Variants in CDKAL1 observed in about 807,000 individuals in gnomAD.
CDKAL1 encodes the protein CDKAL1 threonylcarbamoyladenosine tRNA methylthiotransferase.
CDKAL1 carries 32 observed loss-of-function variants against 68.2 expected under a neutral mutation model. The observed-to-expected ratio is 0.47, with a 90% CI of 0.35 to 0.63. CDKAL1 has a LOEUF of 0.63. Ranked by LOEUF, CDKAL1 falls within the 30% of genes least tolerant of loss-of-function variation. CDKAL1 has a pLI of 0.00. For missense variants in CDKAL1, 606 were observed against 696.7 expected, an observed-to-expected ratio of 0.87 and a Z score of 1.47; for synonymous variants, 234 against 244.3, an observed-to-expected ratio of 0.96 and a Z score of 0.39.
At chr6:20,939,401 G>A (rs538411027) in intron 9 of CDKAL1, among the ~76,000 whole-genome samples, 1 of 152,158 alleles carries the variant, frequency 6.6e-6, no homozygotes, top group Non-Finnish European at 1.5e-5. Context: ...AAGAACTGGG[G>A]AGTTAGAGAA....
At chr6:20,688,209 A>C (rs1350276718) in intron 5 of CDKAL1, among the ~76,000 whole-genome samples, 1 of 150,290 alleles carries the variant, frequency 6.7e-6, no homozygotes, top group Non-Finnish European at 1.5e-5. Context: ...GCATAGGTAT[A>C]GTTTTTTTGG....
intron 13 of CDKAL1, among the ~76,000 whole-genome samples, chr6:21,140,858 A>G (rs1775865797): frequency 6.6e-6 from 1 of 152,222 alleles, no homozygotes; most frequent in Non-Finnish European, 1.5e-5. Context: ...TTACAGTTCC[A>G]CATGGCTGGG....
At chr6:20,566,670 TA>T in intron 4 of CDKAL1, among the ~76,000 whole-genome samples, 1 of 152,254 alleles carries the variant, frequency 6.6e-6, no homozygotes, top group South Asian at 2.1e-4. Flanking sequence ...GAGAAAATAT[TA>T]CAAGAATGAA....
chr6:20,739,384 A>G (rs1418610183), intron 5 of CDKAL1, 135 bp from the exon 6 acceptor site: 9 of 551,648 alleles, frequency 1.6e-5, no homozygotes, highest in Non-Finnish European at 2.9e-5. Flanking sequence ...GTGTTCTTTA[A>G]CCAGTTGTAA....
intron 11 of CDKAL1, among the ~76,000 whole-genome samples, chr6:21,064,460 G>T (rs1337978014): frequency 6.6e-6 from 1 of 152,184 alleles, no homozygotes; most frequent in Non-Finnish European, 1.5e-5. Context: ...AAACAGTATT[G>T]ATTTTTGATA....
At chr6:20,656,100 T>A (rs1253443122) in intron 5 of CDKAL1, among the ~76,000 whole-genome samples, 1 of 132,548 alleles carries the variant, frequency 7.5e-6, no homozygotes, top group African/African-American at 4.3e-5. Flanking sequence ...TCTCTAAGGC[T>A]GCTGTTCAGT....
chr6:20,929,326 T>C lies in CDKAL1; in HGVS notation c.743-26093T>C, dbSNP rs115366145. 5.0e-3 allele frequency among the ~76,000 whole-genome samples: 764 copies of C among 152,258 alleles called. 3 individuals carry two copies. Among genetic ancestry groups the C allele is most frequent in the African/African-American group, 0.017 (722 of 41,528 alleles). On this transcript the variant is annotated intron_variant, in intron 9 of 15. Transcript: ENST00000274695. Reference sequence around the variant, plus strand: ...AAGGGACACATATTCTTCCTGGTAATAAAGATTAACCTTGGGGGCAAGGAT... The same window carrying C: ...AAGGGACACATATTCTTCCTGGTAACAAAGATTAACCTTGGGGGCAAGGAT...
Position 21,004,451 on chromosome 6 carries a change from A to G in CDKAL1, c.1055+4079A>G, listed in dbSNP as rs114185613. On this transcript the variant is annotated intron_variant, in intron 11 of 15. Coordinates refer to ENST00000274695, the MANE Select transcript of CDKAL1 (RefSeq NM_017774.3). ...GCAACCTTTGCAAAGAAGAGCGTCT[A>G]AATGACTTAATATACTAATTTAAAA... Among the ~76,000 whole-genome samples the G allele has an allele frequency of 1.7e-3, 254 of 152,304 alleles. 1 individual carries two copies. Among genetic ancestry groups the G allele is most frequent in the Admixed American group, 2.2e-3 (33 of 15,298 alleles).
At chr6:20,791,493 T>C (rs1384214568) in intron 8 of CDKAL1, among the ~76,000 whole-genome samples, 1 of 152,090 alleles carries the variant, frequency 6.6e-6, no homozygotes, top group Non-Finnish European at 1.5e-5. Flanking sequence ...GGGTCTGTAC[T>C]GTAGTTGTTT....
At chr6:20,879,805 G>A (rs1223487700) in intron 9 of CDKAL1, among the ~76,000 whole-genome samples, 2 of 152,154 alleles carry the variant, frequency 1.3e-5, no homozygotes, top group Non-Finnish European at 2.9e-5. Flanking sequence ...TCGGAGTGAT[G>A]CTGAGTGAGG....
At chr6:20,632,435 G>A (rs536103327) in intron 4 of CDKAL1, among the ~76,000 whole-genome samples, 2 of 152,212 alleles carry the variant, frequency 1.3e-5, no homozygotes, top group East Asian at 3.9e-4. Flanking sequence ...ATTATAAGTC[G>A]AATCATTGTA....
intron 8 of CDKAL1, among the ~76,000 whole-genome samples, chr6:20,838,801 C>G (rs182778948): frequency 6.6e-6 from 1 of 151,936 alleles, no homozygotes; most frequent in African/African-American, 2.4e-5. Flanking sequence ...GGTGAAACCC[C>G]GTCTCTATTA....
At chr6:20,684,258 A>G (rs987156659) in intron 5 of CDKAL1, among the ~76,000 whole-genome samples, 1 of 152,204 alleles carries the variant, frequency 6.6e-6, no homozygotes, top group Non-Finnish European at 1.5e-5. Context: ...CCTGGCCAAC[A>G]TGGCAAAACC....
intron 6 of CDKAL1, among the ~76,000 whole-genome samples, chr6:20,749,243 T>C (rs1484628755): frequency 2.0e-5 from 3 of 152,198 alleles, no homozygotes; most frequent in Non-Finnish European, 4.4e-5. Flanking sequence ...TAGAATAAAA[T>C]TTAAACCACA....
At chr6:20,737,608 T>A (rs1364080438) in intron 5 of CDKAL1, among the ~76,000 whole-genome samples, 1 of 152,100 alleles carries the variant, frequency 6.6e-6, no homozygotes, top group African/African-American at 2.4e-5. Flanking sequence ...ATGGAAAGAT[T>A]TTTTTGTTTG....
chr6:21,003,226 C>G (rs1419440354), intron 11 of CDKAL1, among the ~76,000 whole-genome samples: 1 of 150,362 alleles, frequency 6.7e-6, no homozygotes, highest in East Asian at 2.0e-4. Context: ...ATATTTTAGA[C>G]TAGGCACAGT....
chr6:20,563,772 A>G (rs899436739), intron 4 of CDKAL1, among the ~76,000 whole-genome samples: 1 of 152,164 alleles, frequency 6.6e-6, no homozygotes. Context: ...TCTTCATTTA[A>G]TAAACATAAG....
intron 11 of CDKAL1, among the ~76,000 whole-genome samples, chr6:21,006,395 C>T (rs982645167): frequency 1.3e-5 from 2 of 152,296 alleles, no homozygotes; most frequent in African/African-American, 4.8e-5. Context: ...TAAGTAACCA[C>T]CTCCAAAATA....
chr6:21,123,554 CTT>C (rs1774835111), intron 13 of CDKAL1, among the ~76,000 whole-genome samples: 1 of 152,288 alleles, frequency 6.6e-6, no homozygotes, highest in South Asian at 2.1e-4. Flanking sequence ...GTTGATAGGG[CTT>C]GAGTCAGAGT....
Sources: gnomAD v4.1 joint callset for allele counts (sites outside exome capture counted in the v4.1 genomes callset) on GRCh38, gnomAD v4.1.1 for gene constraint, MANE v1.5 for transcripts, NCBI Gene and HGNC (gene_info 2026-07-23, HGNC 2026-07-21) for gene names.